L3MBTL4: variants seen among roughly 807,000 people sequenced by gnomAD.
L3MBTL4 encodes the protein lethal(3)malignant brain tumor-like protein 4.
In L3MBTL4, 70 loss-of-function variants were observed where a neutral mutation model predicts 84.5. The ratio of observed to expected loss-of-function variants is 0.83; its 90% CI spans 0.68 to 1.01. The LOEUF (loss-of-function observed/expected upper bound fraction) is 1.01, where lower values mean the gene tolerates loss of function less well. Ranked by LOEUF, L3MBTL4 falls within the 50% of genes least tolerant of loss-of-function variation. L3MBTL4 has a pLI of 0.00. For synonymous variants in L3MBTL4, 274 were observed against 259.8 expected (o/e 1.05, Z -0.52); for missense variants, 715 against 754.8 (o/e 0.95, Z 0.62).
chr18:6,078,924 A>C (rs967750004), intron 16 of L3MBTL4, among the ~76,000 whole-genome samples: 3 of 152,212 alleles, frequency 2.0e-5, no homozygotes, highest in African/African-American at 7.2e-5. Flanking sequence ...TTAGATTCTC[A>C]TAAGGAACAC....
At chr18:6,032,335 A>G (rs1187699581) in intron 16 of L3MBTL4, 1 of 982,346 alleles carries the variant, frequency 1.0e-6, no homozygotes, top group African/African-American at 1.8e-5. Context: ...AAAGCTTATG[A>G]TGTGCTGTTT....
Position 6,404,852 on chromosome 18 carries a change from ATT to A in L3MBTL4, c.-91+9947_-91+9948del, listed in dbSNP as rs796588434. Among the ~76,000 whole-genome samples the A allele has an allele frequency of 1.9e-3, 264 of 142,154 alleles. 1 individual carries two copies. Among genetic ancestry groups the A allele is most frequent in the African/African-American group, 6.0e-3 (234 of 38,846 alleles). 93.3% of individuals were successfully genotyped at this position (142,154 alleles called of 152,430 possible). On this transcript the variant is annotated intron_variant, in intron 1 of 18. Coordinates refer to ENST00000317931, the MANE Select transcript of L3MBTL4 (RefSeq NM_001330559.2). ...AGGTACATGCCATCGTGCCTGGATA[ATT>A]TTTTTTTTTTTTTTGAAGAGACGAA...
At chr18:6,396,278 C>G (rs1392833516) in intron 1 of L3MBTL4, 3 of 152,192 alleles carry the variant, frequency 2.0e-5, no homozygotes, top group Non-Finnish European at 4.4e-5. Context: ...TCCTAGGAAC[C>G]CCCGTCATGT....
intron 10 of L3MBTL4, among the ~76,000 whole-genome samples, chr18:6,218,341 T>G (rs752382923): frequency 6.6e-6 from 1 of 152,214 alleles, no homozygotes; most frequent in Non-Finnish European, 1.5e-5. Context: ...TATCACATTT[T>G]GGATCTCCAC....
At chr18:6,302,708 G>T (rs780202962) in intron 3 of L3MBTL4, among the ~76,000 whole-genome samples, 5 of 152,220 alleles carry the variant, frequency 3.3e-5, no homozygotes, top group African/African-American at 4.8e-5. Flanking sequence ...TTTGTGGCCA[G>T]CCACAGTGGC....
intron 16 of L3MBTL4, among the ~76,000 whole-genome samples, chr18:5,974,722 T>C (rs2052816677): frequency 6.6e-6 from 1 of 152,180 alleles, no homozygotes; most frequent in Non-Finnish European, 1.5e-5. Flanking sequence ...TTCAGCACTT[T>C]GGGAGGCCAA....
intron 13 of L3MBTL4, among the ~76,000 whole-genome samples, chr18:6,150,761 C>T (rs1335859665): frequency 2.0e-5 from 3 of 152,166 alleles, no homozygotes; most frequent in Admixed American, 2.0e-4. Context: ...GTTAGTGCTG[C>T]CCCAAGGGAG....
chr18:6,064,597 G>GT (rs1437651843), intron 16 of L3MBTL4, among the ~76,000 whole-genome samples: 3,868 of 27,176 alleles, frequency 0.14, 84 homozygotes, highest in African/African-American at 0.26. Context: ...TATATTCCTA[G>GT]GTTTTTTTTT....
intron 18 of L3MBTL4, 81 bp downstream of exon 18, chr18:5,960,013 T>TATATATAGAC (rs1567914968): frequency 4.1e-6 from 1 of 243,188 alleles, no homozygotes; most frequent in Non-Finnish European, 6.9e-6. Context: ...AATACATACA[T>TATATATAGAC]ATATATATAT....
rs1205256566 is a variant in L3MBTL4 at position 6,219,926 on chromosome 18, C to T, written c.785-4091G>A. 2.0e-5 allele frequency among the ~76,000 whole-genome samples: 3 copies of T among 152,112 alleles called. No individual in the cohort carries two copies. The South Asian group carries it at 6.2e-4, about 32-fold the overall frequency. ...TGTGAAAAAGCTGGGATCAGCTGGA[C>T]ATGGCGGCACACACCTGTAGTCCCA... On this transcript the variant is annotated intron_variant, in intron 10 of 18. Transcript: ENST00000317931.
intron 14 of L3MBTL4, among the ~76,000 whole-genome samples, chr18:6,128,863 G>C (rs918306096): frequency 6.6e-6 from 1 of 152,090 alleles, no homozygotes; most frequent in African/African-American, 2.4e-5. Flanking sequence ...CAGTTCAGAC[G>C]GAGGAAGGGC....
intron 16 of L3MBTL4, among the ~76,000 whole-genome samples, chr18:6,048,662 AC>A (rs1047511516): frequency 6.6e-6 from 1 of 151,880 alleles, no homozygotes; most frequent in African/African-American, 2.4e-5. Context: ...GGTGGCGGGC[AC>A]CTATAATTCC....
At chr18:6,146,015 G>C (rs2042635402) in intron 13 of L3MBTL4, among the ~76,000 whole-genome samples, 1 of 152,218 alleles carries the variant, frequency 6.6e-6, no homozygotes, top group African/African-American at 2.4e-5. Flanking sequence ...AAGGAGTGCT[G>C]ATATTTGAGC....
intron 4 of L3MBTL4, among the ~76,000 whole-genome samples, chr18:6,283,442 A>G (rs1226255625): frequency 6.6e-6 from 1 of 152,152 alleles, no homozygotes; most frequent in Admixed American, 6.5e-5. Context: ...CCTCAAAGAA[A>G]AATAAGTTCT....
intron 3 of L3MBTL4, among the ~76,000 whole-genome samples, chr18:6,311,261 C>T (rs915388764): frequency 1.1e-4 from 17 of 151,868 alleles, no homozygotes; most frequent in African/African-American, 4.1e-4. Context: ...CCTAATGTAA[C>T]CCCATGCAGT....
intron 18 of L3MBTL4, 101 bp from the exon 19 acceptor site, chr18:5,956,488 T>C: frequency 2.0e-6 from 2 of 1,002,696 alleles, no homozygotes; most frequent in South Asian, 1.5e-5. Context: ...GAACCCGTCA[T>C]AGCCTCCGTG....
At chr18:6,168,022 T>C (rs1316131570) in intron 13 of L3MBTL4, among the ~76,000 whole-genome samples, 1 of 152,170 alleles carries the variant, frequency 6.6e-6, no homozygotes, top group Admixed American at 6.5e-5. Context: ...AGCATTCTTA[T>C]ACACCAATAA....
At chr18:6,169,086 C>T (rs536238426) in intron 13 of L3MBTL4, among the ~76,000 whole-genome samples, 24 of 152,184 alleles carry the variant, frequency 1.6e-4, no homozygotes, top group Non-Finnish European at 3.5e-4. Context: ...AACTGCTTAT[C>T]GTCACTGGTC....
intron 10 of L3MBTL4, among the ~76,000 whole-genome samples, chr18:6,218,916 C>G (rs775274126): frequency 1.2e-4 from 18 of 152,074 alleles, no homozygotes; most frequent in Non-Finnish European, 2.9e-5. Flanking sequence ...AGCTTTCCAA[C>G]GATTTAAATT....
Sources: gnomAD v4.1 joint callset for allele counts (sites outside exome capture counted in the v4.1 genomes callset) on GRCh38, gnomAD v4.1.1 for gene constraint, MANE v1.5 for transcripts, NCBI Gene and HGNC (gene_info 2026-07-23, HGNC 2026-07-21) for gene names.